The following KCNQ1 variants were observed in gnomAD, a reference collection of about 807,000 sequenced individuals.
KCNQ1 encodes potassium voltage-gated channel subfamily KQT member 1.
Under a neutral mutation model 72.4 loss-of-function variants are expected in KCNQ1, and 49 were observed. The ratio of observed to expected loss-of-function variants is 0.68; its 90% confidence interval spans 0.54 to 0.86. The LOEUF is 0.86. KCNQ1 is among the 40% of genes least tolerant of loss of function. The pLI is 0.00. For missense variants in KCNQ1, 790 were observed against 945.1 expected (o/e 0.84, Z 2.15); for synonymous variants, 450 against 412.6 (o/e 1.09, Z -1.10).
At chr11:2,604,527 G>A (rs1228139310) in intron 10 of KCNQ1, among the ~76,000 whole-genome samples, 3 of 151,878 alleles carry the variant, frequency 2.0e-5, no homozygotes, top group Non-Finnish European at 4.4e-5. Flanking sequence ...ACACATGGGA[G>A]TGGAAAGCTG....
intron 2 of KCNQ1, among the ~76,000 whole-genome samples, chr11:2,558,169 C>G (rs1848099577): frequency 6.6e-6 from 1 of 152,234 alleles, no homozygotes; most frequent in South Asian, 2.1e-4. Context: ...GCCCCTACAT[C>G]ACTCCAGCTG....
chr11:2,629,573 T>C (rs1042475976), intron 10 of KCNQ1: 11 of 398,386 alleles, frequency 2.8e-5, no homozygotes, highest in African/African-American at 8.2e-5. Context: ...CCTGGCACCA[T>C]TTGTTGAAAA....
chr11:2,448,356 T>C (rs1329832818), intron 1 of KCNQ1, among the ~76,000 whole-genome samples: 4 of 152,222 alleles, frequency 2.6e-5, no homozygotes, highest in African/African-American at 4.8e-5. Flanking sequence ...CCAAGAACTT[T>C]CCAGGGGTGT....
intron 11 of KCNQ1, among the ~76,000 whole-genome samples, chr11:2,749,951 C>A (rs1419871212): frequency 8.0e-6 from 1 of 125,446 alleles, no homozygotes; most frequent in Non-Finnish European, 1.7e-5. Flanking sequence ...CAGAGTGAGA[C>A]TCTGTCTCCA....
chr11:2,797,953 C>G (rs1057370411), intron 15 of KCNQ1, among the ~76,000 whole-genome samples: 1 of 152,206 alleles, frequency 6.6e-6, no homozygotes, highest in East Asian at 1.9e-4. Context: ...TCATGGCCAA[C>G]CCAGGGCACC....
chr11:2,572,926 G>C lies in KCNQ1; in HGVS notation c.861G>C (p.Ala287=), dbSNP rs764403483. 6.2e-7 allele frequency: 1 copy of C among 1,613,828 alleles called. No individual in the cohort carries two copies. Among genetic ancestry groups the C allele is most frequent in the Admixed American group, 1.7e-5 (1 of 60,026 alleles). The change falls in exon 6 of 16, where the codon GCG becomes GCC. Residue 287 remains alanine (A), a synonymous_variant. Transcript: ENST00000155840. ...TTGTGTACCTGGCTGAGAAGGACGCGGTGAACGAGTCAGGCCGCGTGGAGT... is the reference window on the plus strand; with the variant it reads ...TTGTGTACCTGGCTGAGAAGGACGCCGTGAACGAGTCAGGCCGCGTGGAGT... ...SYFVYLAEKD[A]VNESGRVEFG...
In KCNQ1 at chr11:2,484,378, T is replaced by C. The variant is rs2133616739; in HGVS notation, c.386+38894T>C. 6.6e-6 allele frequency among the ~76,000 whole-genome samples: 1 copy of C among 152,280 alleles called. No individual in the cohort carries two copies. The highest frequency in any genetic ancestry group is 2.1e-4 in the South Asian group (1 of 4,826). ...CGGGGTTTCATCATGTTGGCCAGGC[T>C]GGTCTTGAACTCCTAACCTCAGGTG... is the stretch of plus-strand genomic sequence containing the variant. On this transcript the variant is annotated intron_variant, in intron 1 of 15. Coordinates refer to ENST00000155840, the MANE Select transcript of KCNQ1 (RefSeq NM_000218.3). This position sits in a 1 kb window ranked among gnomAD's most constrained non-coding sequence, Gnocchi z 5.2.
chr11:2,521,880 C>T (rs909683589), intron 1 of KCNQ1, among the ~76,000 whole-genome samples: 13 of 152,208 alleles, frequency 8.5e-5, no homozygotes, highest in Non-Finnish European at 1.5e-4. Context: ...CTAGTGTGTG[C>T]GGCAGGGCAG....
intron 11 of KCNQ1, among the ~76,000 whole-genome samples, chr11:2,758,576 AAG>A (rs1377709065): frequency 6.6e-6 from 1 of 152,210 alleles, no homozygotes; most frequent in African/African-American, 2.4e-5. Flanking sequence ...CAAAGAAACG[AAG>A]ACTCATATTC....
Position 2,679,296 on chromosome 11 carries a change from C to A in KCNQ1, c.1514+17215C>A, listed in dbSNP as rs1003358266. On this transcript the variant is annotated intron_variant, in intron 11 of 15. Coordinates refer to ENST00000155840, the MANE Select transcript of KCNQ1 (RefSeq NM_000218.3). The surrounding 1 kb of genome is among the most constrained non-coding windows in gnomAD (Gnocchi z 4.8). ...ACTAATCCATAGCCAAAGACAGGGGCTAATAACAGGGTCTGGAGTCTGAAC... is the reference window on the plus strand; with the variant it reads ...ACTAATCCATAGCCAAAGACAGGGGATAATAACAGGGTCTGGAGTCTGAAC... The A allele has an allele frequency of 2.3e-5, 9 of 398,494 alleles. No individual in the cohort carries two copies. The highest frequency in any genetic ancestry group is 1.9e-4 in the African/African-American group (9 of 48,620). 24.7% of individuals were successfully genotyped at this position (398,494 alleles called of 1,614,324 possible). A position where few individuals can be genotyped will look rare whatever the true frequency, so the allele number is the denominator to read the frequency against.
At chr11:2,452,503 C>T (rs771834025) in intron 1 of KCNQ1, among the ~76,000 whole-genome samples, 1 of 148,272 alleles carries the variant, frequency 6.7e-6, no homozygotes, top group Non-Finnish European at 1.5e-5. Context: ...GAGGCATCCC[C>T]ACCCTGCCCC....
chr11:2,826,558 C>T lies in KCNQ1; in HGVS notation c.1795-21209C>T, dbSNP rs536371778. ...CTGCTGCTGCTTCCCCGAAGGCCTC[C>T]CCAGCAGACCTGCAGCTGGGCACCC... On this transcript the variant is annotated intron_variant, in intron 15 of 15. Transcript: ENST00000155840. The surrounding 1 kb of genome is among the most constrained non-coding windows in gnomAD (Gnocchi z 4.2). Among the ~76,000 whole-genome samples the T allele has an allele frequency of 6.6e-6, 1 of 152,250 alleles. No homozygotes were observed. The highest frequency in any genetic ancestry group is 6.5e-5 in the Admixed American group (1 of 15,286).
At chr11:2,614,967 C>T (rs74883319) in intron 10 of KCNQ1, 6,566 of 398,386 alleles carry the variant, frequency 0.016, 278 homozygotes, top group East Asian at 0.11. Context: ...TGCATTGAAT[C>T]TGTAGATCAC....
Position 2,478,922 on chromosome 11 carries a change from C to T in KCNQ1, c.386+33438C>T, listed in dbSNP as rs947869606. The stretch of plus-strand genomic sequence containing the variant: ...TTAGGGTACAGGCCTTGGATAAATA[C>T]ACCCATTTGAAATGGGAGTAATTGG... On this transcript the variant is annotated intron_variant, in intron 1 of 15. Coordinates refer to ENST00000155840, the MANE Select transcript of KCNQ1 (RefSeq NM_000218.3). The surrounding 1 kb of genome is among the most constrained non-coding windows in gnomAD (Gnocchi z 4.0). Among the ~76,000 whole-genome samples, 3 of 152,224 alleles carry T rather than the reference C, an allele frequency of 2.0e-5. No homozygotes were observed. Among genetic ancestry groups the T allele is most frequent in the Admixed American group, 6.5e-5 (1 of 15,286 alleles).
chr11:2,837,281 C>T (rs1456698231), intron 15 of KCNQ1, among the ~76,000 whole-genome samples: 2 of 152,100 alleles, frequency 1.3e-5, no homozygotes, highest in African/African-American at 2.4e-5. Context: ...CGGAGGTGGC[C>T]AGAGGCCTCT....
rs1386852977 is a variant in KCNQ1, at chr11:2,847,913, C to T, written c.1941C>T (p.Ser647=). The T allele has an allele frequency of 1.3e-5, 20 of 1,576,774 alleles. No individual in the cohort carries two copies. Among genetic ancestry groups the T allele is most frequent in the Non-Finnish European group, 1.6e-5 (19 of 1,161,278 alleles). The change falls in exon 16 of 16, where the codon TCC becomes TCT. Residue 647 remains serine (S), a synonymous_variant. Transcript: ENST00000155840. The part of the protein sequence containing the change: ...HITQPCGSGG[S]VDPELFLPSN... Reference sequence around the variant, plus strand: ...CCCAGCCCTGCGGCAGTGGCGGCTCCGTCGACCCTGAGCTCTTCCTGCCCA... The same window carrying T: ...CCCAGCCCTGCGGCAGTGGCGGCTCTGTCGACCCTGAGCTCTTCCTGCCCA...
rs201364493 is a variant in KCNQ1, at chr11:2,587,705, C to T, written c.1251+13C>T. The T allele has an allele frequency of 2.0e-5, 33 of 1,613,456 alleles. No homozygotes were observed. In the African/African-American group the frequency reaches 3.7e-4, roughly 18 times the overall value. On this transcript the variant is annotated intron_variant, in intron 9 of 15. Coordinates refer to ENST00000155840, the MANE Select transcript of KCNQ1 (RefSeq NM_000218.3). ...GAAGTCTGTGGTGGTGAGTAGCCCA[C>T]CTGCCACCAGGGCAGGGCCTTCTTG...
chr11:2,579,554 G>A lies in KCNQ1; in HGVS notation c.922-3881G>A, dbSNP rs1259009286. Among the ~76,000 whole-genome samples, 1 of 152,208 alleles carries A rather than the reference G, an allele frequency of 6.6e-6. No homozygotes were observed. The highest frequency in any genetic ancestry group is 1.5e-5 in the Non-Finnish European group (1 of 68,038). ...CCTGAGCTGCCTGTGTCTGAATGCAGGAAAAACAAACAGGTCTGCAGGGAG... is the reference window on the plus strand; with the variant it reads ...CCTGAGCTGCCTGTGTCTGAATGCAAGAAAAACAAACAGGTCTGCAGGGAG... On this transcript the variant is annotated intron_variant, in intron 6 of 15. Transcript: ENST00000155840. The surrounding 1 kb of genome is among the most constrained non-coding windows in gnomAD (Gnocchi z 6.0).
Position 2,687,034 on chromosome 11 carries a change from C to T in KCNQ1, c.1514+24953C>T, listed in dbSNP as rs962163898. 2.8e-5 allele frequency: 11 copies of T among 398,544 alleles called. No homozygotes were observed. Among genetic ancestry groups the T allele is most frequent in the Admixed American group, 2.2e-4 (5 of 22,724 alleles). 24.7% of individuals were successfully genotyped at this position (398,544 alleles called of 1,614,324 possible). On this transcript the variant is annotated intron_variant, in intron 11 of 15. Transcript: ENST00000155840. The surrounding 1 kb of genome is among the most constrained non-coding windows in gnomAD (Gnocchi z 5.0). The stretch of plus-strand genomic sequence containing the variant: ...GCAAGAGCTTAGGGCTAAAACTCAG[C>T]AGTCCCAGCTCTGGGGGACAAGGAC...
Sources: gnomAD v4.1 joint callset for allele counts (sites outside exome capture counted in the v4.1 genomes callset) on GRCh38, gnomAD v4.1.1 for gene constraint, Gnocchi (gnomAD v3.1) non-coding constraint, MANE v1.5 for transcripts, NCBI Gene and HGNC (gene_info 2026-07-23, HGNC 2026-07-21) for gene names.